Variants in SMARCA2 observed in about 807,000 individuals in gnomAD.
SMARCA2 encodes SWI/SNF-related matrix-associated actin-dependent regulator of chromatin subfamily A member 2.
In SMARCA2, 61 loss-of-function variants were observed where a neutral mutation model predicts 199.8. That is an observed-to-expected ratio of 0.31 (90% confidence interval 0.25 to 0.38). The LOEUF is 0.38. SMARCA2 is among the 10% of genes least tolerant of loss of function. The pLI is 1.00. For synonymous variants in SMARCA2, 935 were observed against 732.0 expected (o/e 1.28, Z -4.48); for missense variants, 1,344 against 2,012.2 (o/e 0.67, Z 6.35).
chr9:2,169,582 G>C lies in SMARCA2; in HGVS notation c.4200-837G>C, dbSNP rs372908549. On this transcript the variant is annotated intron_variant, in intron 28 of 33. Coordinates refer to ENST00000349721, the MANE Select transcript of SMARCA2 (RefSeq NM_003070.5). The surrounding 1 kb of genome is among the most constrained non-coding windows in gnomAD (Gnocchi z 6.5). ...ACACCCCGACCCCACACTGACTCTAGAGCAGAATGGGGCAGTGACTCCGAG... is the reference window on the plus strand; with the variant it reads ...ACACCCCGACCCCACACTGACTCTACAGCAGAATGGGGCAGTGACTCCGAG... 6.6e-6 allele frequency among the ~76,000 whole-genome samples: 1 copy of C among 152,126 alleles called. No homozygotes were observed. The highest frequency in any genetic ancestry group is 1.5e-5 in the Non-Finnish European group (1 of 68,022).
intron 19 of SMARCA2, among the ~76,000 whole-genome samples, chr9:2,094,084 G>A (rs774951806): frequency 9.9e-5 from 15 of 152,170 alleles, no homozygotes; most frequent in Non-Finnish European, 1.6e-4. Context: ...AGGTAGAGTA[G>A]AGTTAGAAAG....
chr9:2,068,030 G>T (rs942016074), intron 9 of SMARCA2, among the ~76,000 whole-genome samples: 2 of 151,978 alleles, frequency 1.3e-5, no homozygotes, highest in African/African-American at 2.4e-5. Flanking sequence ...GATTTTCTTT[G>T]TTGGCCAAAT....
chr9:2,059,443 G>C (rs1820490533), intron 8 of SMARCA2, among the ~76,000 whole-genome samples: 1 of 152,116 alleles, frequency 6.6e-6, no homozygotes, highest in African/African-American at 2.4e-5. Context: ...CAGGGAGAGA[G>C]GACTGTCCGA....
chr9:2,131,624 A>G (rs1374124881), intron 27 of SMARCA2, among the ~76,000 whole-genome samples: 1 of 152,188 alleles, frequency 6.6e-6, no homozygotes, highest in Non-Finnish European at 1.5e-5. Flanking sequence ...TCCCATCATC[A>G]TGTCTGCTGA....
chr9:2,037,675 C>T (rs182438793), intron 3 of SMARCA2, among the ~76,000 whole-genome samples: 302 of 152,232 alleles, frequency 2.0e-3, no homozygotes, highest in African/African-American at 6.9e-3. Context: ...TTCTTAGGTT[C>T]GGGCATGCAG....
At position 2,159,685 on chromosome 9, in the gene SMARCA2, TGTA is replaced by T. The variant is rs995354998; in HGVS notation, c.3982-1996_3982-1994del. On this transcript the variant is annotated intron_variant, in intron 27 of 33. Coordinates refer to ENST00000349721, the MANE Select transcript of SMARCA2 (RefSeq NM_003070.5). Reference sequence around the variant, plus strand: ...GCTGAAGGAGGAAGCCTTCGGGCCTTGTAGTAGGTAGCATGAAACAGCAGATTT... The same window carrying T: ...GCTGAAGGAGGAAGCCTTCGGGCCTTGTAGGTAGCATGAAACAGCAGATTT... 9 of 1,196,892 alleles carry T rather than the reference TGTA, an allele frequency of 7.5e-6. No individual in the cohort carries two copies. The African/African-American group carries it at 1.1e-4, about 14-fold the overall frequency. 74.1% of individuals were successfully genotyped at this position (1,196,892 alleles called of 1,614,324 possible).
intron 2 of SMARCA2, 77 bp from the exon 3 acceptor site, chr9:2,032,875 G>C: frequency 1.5e-6 from 2 of 1,365,470 alleles, no homozygotes; most frequent in South Asian, 2.7e-5. Flanking sequence ...AAAGAACTTA[G>C]GAAGGGGTCT....
chr9:2,152,745 G>T (rs978509812), intron 27 of SMARCA2, among the ~76,000 whole-genome samples: 1 of 151,784 alleles, frequency 6.6e-6, no homozygotes, highest in Non-Finnish European at 1.5e-5. Context: ...CCAGGTGCTT[G>T]AGAGTCTTGG....
chr9:2,101,939 G>A (rs972703691), intron 22 of SMARCA2, among the ~76,000 whole-genome samples: 5 of 152,162 alleles, frequency 3.3e-5, no homozygotes, highest in Non-Finnish European at 5.9e-5. Context: ...TGAAGAGAAT[G>A]TATCTTATTA....
At position 2,032,803 on chromosome 9, in the gene SMARCA2, C is replaced by G. The variant is rs1819129484; in HGVS notation, c.226-149C>G. The G allele has an allele frequency of 6.8e-6, 4 of 588,202 alleles. No homozygotes were observed. In the Admixed American group the frequency reaches 1.0e-4, roughly 15 times the overall value. 36.4% of individuals were successfully genotyped at this position (588,202 alleles called of 1,614,324 possible). A position where few individuals can be genotyped will look rare whatever the true frequency, so the allele number is the denominator to read the frequency against. On this transcript the variant is annotated intron_variant, in intron 2 of 33. Coordinates refer to ENST00000349721, the MANE Select transcript of SMARCA2 (RefSeq NM_003070.5). Reference sequence around the variant, plus strand: ...TTGACTTACAGATAGTTTGCTGATCCTTTTGGTCTAGTCTCTTTTTTTAAC... The same window carrying G: ...TTGACTTACAGATAGTTTGCTGATCGTTTTGGTCTAGTCTCTTTTTTTAAC...
intron 14 of SMARCA2, among the ~76,000 whole-genome samples, chr9:2,078,420 C>G (rs1306830820): frequency 1.3e-5 from 2 of 151,706 alleles, no homozygotes; most frequent in Middle Eastern, 3.4e-3. Context: ...TGCAGTGAGC[C>G]AAGATCTTAG....
Position 2,186,241 on chromosome 9 carries a change from A to C in SMARCA2, c.4594+13A>C. 6.2e-7 allele frequency: 1 copy of C among 1,610,828 alleles called. No homozygotes were observed. The highest frequency in any genetic ancestry group is 1.1e-5 in the South Asian group (1 of 90,904). ...TCAGAGTCCGAGGGTAAGCCCAGACATTCGGGTCCTGTACATCTTTGCCCC... is the reference window on the plus strand; with the variant it reads ...TCAGAGTCCGAGGGTAAGCCCAGACCTTCGGGTCCTGTACATCTTTGCCCC... On this transcript the variant is annotated intron_variant, in intron 32 of 33. Transcript: ENST00000349721.
At chr9:2,152,679 C>T (rs1348504910) in intron 27 of SMARCA2, among the ~76,000 whole-genome samples, 1 of 152,048 alleles carries the variant, frequency 6.6e-6, no homozygotes, top group Non-Finnish European at 1.5e-5. Flanking sequence ...TGGCAAAACC[C>T]CATCTCTACT....
intron 23 of SMARCA2, among the ~76,000 whole-genome samples, chr9:2,109,295 G>A (rs1822887234): frequency 6.6e-6 from 1 of 151,962 alleles, no homozygotes; most frequent in African/African-American, 2.4e-5. Context: ...CAGCATCTAA[G>A]CTTTTCTGGT....
chr9:2,091,697 G>A (rs1822069506), intron 19 of SMARCA2, among the ~76,000 whole-genome samples: 1 of 152,294 alleles, frequency 6.6e-6, no homozygotes, highest in East Asian at 1.9e-4. Context: ...TAGACTGTCT[G>A]AAGCACTGGG....
chr9:2,057,740 A>T (rs1037718698), intron 7 of SMARCA2, among the ~76,000 whole-genome samples: 14 of 152,140 alleles, frequency 9.2e-5, no homozygotes, highest in African/African-American at 3.4e-4. Flanking sequence ...CCTGTGCTTA[A>T]TTTAGTGCTT....
Position 2,170,260 on chromosome 9 carries a change from C to T in SMARCA2, c.4200-159C>T, listed in dbSNP as rs979738004. Among the ~76,000 whole-genome samples, 5 of 152,186 alleles carry T rather than the reference C, an allele frequency of 3.3e-5. No individual in the cohort carries two copies. In the East Asian group the frequency reaches 5.8e-4, roughly 18 times the overall value. On this transcript the variant is annotated intron_variant, in intron 28 of 33. Transcript: ENST00000349721. The surrounding 1 kb of genome is among the most constrained non-coding windows in gnomAD (Gnocchi z 4.7). ...TTTTTAGAGAACTATGTTATTTTTC[C>T]GAATGAGGTTCCAAACATAACCCCG...
chr9:2,087,359 G>C (rs1821846906), intron 18 of SMARCA2: 2 of 365,512 alleles, frequency 5.5e-6, no homozygotes, highest in South Asian at 8.0e-5. Flanking sequence ...ACTGCAGTGG[G>C]CCACAGGGAG....
intron 28 of SMARCA2, among the ~76,000 whole-genome samples, chr9:2,167,072 T>C (rs1430132306): frequency 6.6e-6 from 1 of 152,248 alleles, no homozygotes; most frequent in East Asian, 1.9e-4. Context: ...CAAATTTTCT[T>C]TCTCATATTG....
Sources: gnomAD v4.1 joint callset for allele counts (sites outside exome capture counted in the v4.1 genomes callset) on GRCh38, gnomAD v4.1.1 for gene constraint, Gnocchi (gnomAD v3.1) non-coding constraint, MANE v1.5 for transcripts, NCBI Gene and HGNC (gene_info 2026-07-23, HGNC 2026-07-21) for gene names.